Variants in ZNF487 observed in about 807,000 individuals in gnomAD.
ZNF487 encodes the protein zinc finger protein 487, also known as KRAB domain only 1.
ZNF487 carries 4 observed loss-of-function variants against 3.0 expected under a neutral mutation model. The ratio of observed to expected loss-of-function variants is 1.35; its 90% confidence interval spans 0.66 to 3.08. The LOEUF is 3.08. Ranked by LOEUF, ZNF487 falls within the 30% of genes most tolerant of loss-of-function variation. The probability of loss-of-function intolerance (pLI) is 0.01; values close to 1 mark genes in which losing one functional copy is unlikely to be tolerated. For missense variants in ZNF487, 146 were observed against 98.7 expected (o/e 1.48, Z -2.03); for synonymous variants, 55 against 34.6 (o/e 1.59, Z -2.06).
chr10:43,458,894 C>T lies in ZNF487; in HGVS notation c.-93-16827C>T, dbSNP rs188879802. 3.2e-4 allele frequency among the ~76,000 whole-genome samples: 49 copies of T among 152,170 alleles called. No individual in the cohort carries two copies. In the East Asian group the frequency reaches 8.1e-3, roughly 25 times the overall value. ...GAATGGATTATGTCACCTTCAGATA[C>T]ACTCCTTAAATGTATGTGTAGATTG... On this transcript the variant is annotated intron_variant, in intron 1 of 3. Coordinates refer to ENST00000437590, the MANE Select transcript of ZNF487 (RefSeq NM_001355444.3).
chr10:43,476,252 C>G (rs1841098278), intron 3 of ZNF487, 50 bp downstream of exon 3: 2 of 694,244 alleles, frequency 2.9e-6, no homozygotes, highest in East Asian at 5.4e-5. Flanking sequence ...GAAATTTGAT[C>G]CTAGGGAGAT....
At chr10:43,521,753 T>G in the ZNF487 span, among the ~76,000 whole-genome samples, 1 of 152,100 alleles carries the variant, frequency 6.6e-6, no homozygotes, top group Admixed American at 6.6e-5. Context: ...TAAGATTAGG[T>G]TGAAAACTAT....
At chr10:43,507,631 G>T in the ZNF487 span, among the ~76,000 whole-genome samples, 7 of 152,224 alleles carry the variant, frequency 4.6e-5, no homozygotes, top group Non-Finnish European at 1.0e-4. Context: ...GTGCACCTGG[G>T]CTTTGCTTAG....
At chr10:43,487,446 AT>A (rs1841480234), downstream of ZNF487, among the ~76,000 whole-genome samples, 1 of 123,388 alleles carries the variant, frequency 8.1e-6, no homozygotes, top group East Asian at 2.4e-4. Context: ...GCCCAGAAAC[AT>A]TTTTTTCTTT....
At chr10:43,490,371 AAAAG>A in the ZNF487 span, among the ~76,000 whole-genome samples, 1 of 152,082 alleles carries the variant, frequency 6.6e-6, no homozygotes, top group African/African-American at 2.4e-5. Context: ...AAAACAAACA[AAAAG>A]AAAATAAATA....
chr10:43,522,927 T>C, the ZNF487 span, among the ~76,000 whole-genome samples: 2 of 152,188 alleles, frequency 1.3e-5, no homozygotes, highest in African/African-American at 2.4e-5. Flanking sequence ...TACTATTCAA[T>C]GCTTTCGATG....
At chr10:43,437,023 G>A (rs1480951615), upstream of ZNF487, 4 of 367,276 alleles carry the variant, frequency 1.1e-5, no homozygotes, top group Admixed American at 1.3e-4. Flanking sequence ...AGGCACGCGG[G>A]AGCAGCAAGG....
the ZNF487 span, among the ~76,000 whole-genome samples, chr10:43,490,798 C>A: frequency 6.6e-6 from 1 of 150,898 alleles, no homozygotes; most frequent in Admixed American, 6.6e-5. Flanking sequence ...CCTCAGCCTC[C>A]TGAGTAGCTG....
At chr10:43,498,271 TATA>T in the ZNF487 span, among the ~76,000 whole-genome samples, 18 of 128,006 alleles carry the variant, frequency 1.4e-4, no homozygotes, top group East Asian at 1.5e-3. Context: ...TATATATATA[TATA>T]TTTTTTTCTT....
chr10:43,500,513 T>A, the ZNF487 span, among the ~76,000 whole-genome samples: 1 of 152,056 alleles, frequency 6.6e-6, no homozygotes, highest in Non-Finnish European at 1.5e-5. Flanking sequence ...TTATTTTTAA[T>A]TTTTTTGAGA....
the ZNF487 span, among the ~76,000 whole-genome samples, chr10:43,491,611 C>A: frequency 6.6e-6 from 1 of 151,752 alleles, no homozygotes; most frequent in Non-Finnish European, 1.5e-5. Flanking sequence ...CTAGCCCTTA[C>A]CTTTTGCCCA....
chr10:43,470,752 C>A (rs1840879376), intron 1 of ZNF487, among the ~76,000 whole-genome samples: 1 of 152,106 alleles, frequency 6.6e-6, no homozygotes, highest in Non-Finnish European at 1.5e-5. Flanking sequence ...GTCCTGGGCT[C>A]AAGCAATTTT....
At chr10:43,494,559 T>G in the ZNF487 span, among the ~76,000 whole-genome samples, 1 of 148,534 alleles carries the variant, frequency 6.7e-6, no homozygotes, top group East Asian at 2.0e-4. Context: ...CTAACTCTAG[T>G]GCTTACTTCA....
chr10:43,465,619 C>T (rs1840664151), intron 1 of ZNF487, among the ~76,000 whole-genome samples: 1 of 151,938 alleles, frequency 6.6e-6, no homozygotes, highest in South Asian at 2.1e-4. Flanking sequence ...TCCTCACTTC[C>T]TAGATGGGAT....
intron 1 of ZNF487, among the ~76,000 whole-genome samples, chr10:43,451,634 C>T (rs965170540): frequency 5.3e-5 from 8 of 151,448 alleles, no homozygotes; most frequent in African/African-American, 1.2e-4. Context: ...GGCGTGATCT[C>T]GGCTCACTGC....
chr10:43,440,952 G>A (rs1389143528), intron 1 of ZNF487, among the ~76,000 whole-genome samples: 3 of 144,630 alleles, frequency 2.1e-5, no homozygotes, highest in Non-Finnish European at 4.5e-5. Context: ...CTGTAGCCTC[G>A]ATCTTCTTGG....
At chr10:43,491,798 G>A in the ZNF487 span, among the ~76,000 whole-genome samples, 6 of 151,730 alleles carry the variant, frequency 4.0e-5, no homozygotes, top group East Asian at 5.8e-4. Context: ...GTTAGCTAAC[G>A]TCTTTTGTAA....
At chr10:43,478,113 G>A (rs1255697695) in intron 3 of ZNF487, among the ~76,000 whole-genome samples, 1 of 152,040 alleles carries the variant, frequency 6.6e-6, no homozygotes, top group Non-Finnish European at 1.5e-5. Context: ...TTGTCAAATT[G>A]GATTTTCAAA....
At chr10:43,458,991 T>A (rs770797945) in intron 1 of ZNF487, among the ~76,000 whole-genome samples, 1 of 152,134 alleles carries the variant, frequency 6.6e-6, no homozygotes, top group Non-Finnish European at 1.5e-5. Flanking sequence ...TTGAACAACA[T>A]GACTTGCTGG....
Sources: gnomAD v4.1 joint callset for allele counts (sites outside exome capture counted in the v4.1 genomes callset) on GRCh38, gnomAD v4.1.1 for gene constraint, MANE v1.5 for transcripts, NCBI Gene and HGNC (gene_info 2026-07-23, HGNC 2026-07-21) for gene names.